PIWIL1: variants seen among roughly 807,000 people sequenced by gnomAD.
The protein encoded by PIWIL1 is piwi like RNA-mediated gene silencing 1.
PIWIL1 carries 73 observed loss-of-function variants against 114.4 expected under a neutral mutation model. That is an observed-to-expected ratio of 0.64 (90% CI 0.53 to 0.78). The LOEUF is 0.78. Ranked by LOEUF, PIWIL1 falls within the 30% of genes least tolerant of loss-of-function variation. The pLI, the probability that PIWIL1 is intolerant of heterozygous loss-of-function variation, is 0.00. For synonymous variants in PIWIL1, 375 were observed against 369.0 expected (o/e 1.02, Z -0.19); for missense variants, 723 against 1,063.1 (o/e 0.68, Z 4.45).
intron 14 of PIWIL1, 52 bp from the exon 15 acceptor site, chr12:130,361,128 C>T (rs1460279346): frequency 2.3e-5 from 36 of 1,542,242 alleles, no homozygotes; most frequent in Non-Finnish European, 3.1e-5. Flanking sequence ...CTCTCCCTTG[C>T]TCTTAATCAT....
chr12:130,388,253 C>G, the PIWIL1 span, among the ~76,000 whole-genome samples: 4 of 152,194 alleles, frequency 2.6e-5, no homozygotes, highest in East Asian at 7.7e-4. Flanking sequence ...AGCTGGGACT[C>G]CAGGCATGCA....
intron 14 of PIWIL1, among the ~76,000 whole-genome samples, chr12:130,358,820 C>T (rs558595248): frequency 1.3e-5 from 2 of 152,312 alleles, no homozygotes; most frequent in Admixed American, 6.5e-5. Context: ...CCATCTGCCT[C>T]GTTCCTGTCG....
the PIWIL1 span, chr12:130,396,017 A>AG: frequency 2.0e-5 from 3 of 150,590 alleles, no homozygotes; most frequent in Admixed American, 2.0e-4. Flanking sequence ...TTTTTGGAAA[A>AG]AAAAAAAAAT....
the PIWIL1 span, among the ~76,000 whole-genome samples, chr12:130,409,602 CA>C: frequency 6.6e-6 from 1 of 152,112 alleles, no homozygotes; most frequent in Non-Finnish European, 1.5e-5. Flanking sequence ...CTCGGCCTCC[CA>C]AAGTGCTGGG....
chr12:130,362,426 A>C (rs2073540311), intron 16 of PIWIL1, among the ~76,000 whole-genome samples: 1 of 152,216 alleles, frequency 6.6e-6, no homozygotes, highest in Non-Finnish European at 1.5e-5. Flanking sequence ...GTTTCTCAAG[A>C]GCACAGCCAT....
At chr12:130,387,682 C>A in the PIWIL1 span, among the ~76,000 whole-genome samples, 1 of 137,236 alleles carries the variant, frequency 7.3e-6, no homozygotes, top group African/African-American at 2.7e-5. Context: ...TGCACACCAC[C>A]CCCTTCCTGT....
Position 130,361,407 on chromosome 12 carries a change from C to T in PIWIL1, c.1866+27C>T, listed in dbSNP as rs750698666. 3.1e-5 allele frequency: 50 copies of T among 1,611,494 alleles called. No homozygotes were observed. In the East Asian group the frequency reaches 9.1e-4, roughly 29 times the overall value. On this transcript the variant is annotated intron_variant, in intron 15 of 20. Coordinates refer to ENST00000245255, the MANE Select transcript of PIWIL1 (RefSeq NM_004764.5). ...TGAGTTTGATTTAATTGGTAGATGC[C>T]GTTTTAAAATTGGTATTTAAGAACA...
chr12:130,399,171 A>T, the PIWIL1 span: 1 of 1,366,822 alleles, frequency 7.3e-7, no homozygotes. Flanking sequence ...TCTGTTTCCA[A>T]GCAGATGAGC....
the PIWIL1 span, among the ~76,000 whole-genome samples, chr12:130,395,640 A>G: frequency 1.3e-5 from 2 of 152,246 alleles, no homozygotes; most frequent in Non-Finnish European, 2.9e-5. Context: ...CAATTATGAG[A>G]TAAATTATAG....
chr12:130,412,407 A>G, the PIWIL1 span, among the ~76,000 whole-genome samples: 1 of 152,206 alleles, frequency 6.6e-6, no homozygotes, highest in Non-Finnish European at 1.5e-5. Flanking sequence ...ACTTAGGTGT[A>G]TCTGTGTCCC....
rs910648764 is a variant in PIWIL1 at position 130,338,139 on chromosome 12, G to T, written c.-20G>T. Reference sequence around the variant, plus strand: ...GGACCAGGACTAGGGCGAGGGCAGCGGTCCAAGGTGCGGGGCCAGGCTGAG... The same window carrying T: ...GGACCAGGACTAGGGCGAGGGCAGCTGTCCAAGGTGCGGGGCCAGGCTGAG... On this transcript the variant is annotated 5_prime_UTR_variant, in exon 1 of 21. Coordinates refer to ENST00000245255, the MANE Select transcript of PIWIL1 (RefSeq NM_004764.5). The T allele has an allele frequency of 2.0e-5, 6 of 307,224 alleles. No homozygotes were observed. Among genetic ancestry groups the T allele is most frequent in the Non-Finnish European group, 3.1e-5 (5 of 160,140 alleles). 19.0% of individuals were successfully genotyped at this position (307,224 alleles called of 1,614,324 possible).
chr12:130,357,103 A>G lies in PIWIL1; in HGVS notation c.1590A>G (p.Ile530Met). Residue 530 changes from isoleucine (I) to methionine (M), a missense_variant and splice_region_variant, in exon 13 of 21, where the codon ATA becomes ATG. Transcript: ENST00000245255. ...TGGGCATGCAAATGAGAAAAGCAATAATGTAAGTTAATCAAGTCATTTCTG... is the reference window on the plus strand; with the variant it reads ...TGGGCATGCAAATGAGAAAAGCAATGATGTAAGTTAATCAAGTCATTTCTG... ...PAMGMQMRKA[I>M]MIEVDDRTEA... 2 of 1,605,884 alleles carry G rather than the reference A, an allele frequency of 1.2e-6. No individual in the cohort carries two copies. The highest frequency in any genetic ancestry group is 1.7e-6 in the Non-Finnish European group (2 of 1,173,934).
chr12:130,399,383 C>A, the PIWIL1 span, among the ~76,000 whole-genome samples: 1 of 152,234 alleles, frequency 6.6e-6, no homozygotes, highest in East Asian at 1.9e-4. Context: ...GGAGCCATCC[C>A]CTTTTCACTC....
chr12:130,413,752 CT>C, the PIWIL1 span, among the ~76,000 whole-genome samples: 1 of 151,928 alleles, frequency 6.6e-6, no homozygotes, highest in Non-Finnish European at 1.5e-5. Context: ...ATGCTCCCTT[CT>C]TCCCTTTTTC....
chr12:130,343,160 A>C, intron 3 of PIWIL1, 59 bp downstream of exon 3: 2 of 1,193,472 alleles, frequency 1.7e-6, no homozygotes, highest in Non-Finnish European at 2.4e-6. Flanking sequence ...AGCAAATTTT[A>C]TTGAATTAAA....
At chr12:130,383,708 CG>C in the PIWIL1 span, 1 of 152,138 alleles carries the variant, frequency 6.6e-6, no homozygotes, top group African/African-American at 2.4e-5. Context: ...AGAAACCTAT[CG>C]TGTGGTTTTC....
the PIWIL1 span, chr12:130,399,199 T>C: frequency 7.8e-6 from 9 of 1,153,440 alleles, no homozygotes; most frequent in East Asian, 3.0e-4. Flanking sequence ...TAAAAATATA[T>C]ATATAAAAAT....
At chr12:130,373,818 T>C (rs918371465), downstream of PIWIL1, among the ~76,000 whole-genome samples, 3 of 152,196 alleles carry the variant, frequency 2.0e-5, no homozygotes, top group East Asian at 5.8e-4. Flanking sequence ...ACTAGGTTGA[T>C]GTCTGAGCCA....
At position 130,371,772 on chromosome 12, in the gene PIWIL1, G is replaced by A. The variant is rs1341047510; in HGVS notation, c.*174G>A. 2.6e-6 allele frequency: 1 copy of A among 391,696 alleles called. No individual in the cohort carries two copies. Among genetic ancestry groups the A allele is most frequent in the Non-Finnish European group, 4.5e-6 (1 of 220,830 alleles). The allele number at this position is 391,696 out of a possible 1,614,324, so 24.3% of individuals were successfully genotyped here. The stretch of plus-strand genomic sequence containing the variant: ...ATTCACCGGCTTCCTTATTTTATAC[G>A]TAAAAATTAAGATTTTATATTTTAT... On this transcript the variant is annotated 3_prime_UTR_variant, in exon 21 of 21. Transcript: ENST00000245255.
Sources: allele counts gnomAD v4.1 joint callset (sites outside exome capture counted in the v4.1 genomes callset), GRCh38; gene constraint gnomAD v4.1.1; transcripts MANE v1.5; gene names NCBI Gene and HGNC (gene_info 2026-07-23, HGNC 2026-07-21).